MC2R: variants seen among roughly 807,000 people sequenced by gnomAD.
The protein encoded by MC2R is adrenocorticotropic hormone receptor.
In MC2R, 9 loss-of-function variants were observed where a neutral mutation model predicts 9.8. That is an observed-to-expected ratio of 0.92 (90% CI 0.55 to 1.60). The LOEUF (loss-of-function observed/expected upper bound fraction) is 1.60. Ranked by LOEUF, MC2R falls within the 40% of genes most tolerant of loss-of-function variation. The pLI is 0.00. For missense variants in MC2R, 370 were observed against 389.0 expected (o/e 0.95, Z 0.41); for synonymous variants, 185 against 154.7 (o/e 1.20, Z -1.45).
intron 1 of MC2R, among the ~76,000 whole-genome samples, chr18:13,891,135 C>G (rs1332899812): frequency 6.6e-6 from 1 of 152,202 alleles, no homozygotes; most frequent in African/African-American, 2.4e-5. Flanking sequence ...GAGTGGCTCA[C>G]GTCCACGGCC....
intron 1 of MC2R, among the ~76,000 whole-genome samples, chr18:13,892,631 A>G (rs183092713): frequency 0.1 from 14,357 of 142,666 alleles, 754 homozygotes; most frequent in Middle Eastern, 0.17. Flanking sequence ...CAATAAATGA[A>G]CTTTTTTTTT....
At chr18:13,891,863 C>T (rs16941290) in intron 1 of MC2R, among the ~76,000 whole-genome samples, 2,198 of 152,270 alleles carry the variant, frequency 0.014, 49 homozygotes, top group African/African-American at 0.049. Context: ...TGTGCATGAC[C>T]TGTCTTTATT....
At chr18:13,887,475 G>A (rs555115193) in intron 1 of MC2R, among the ~76,000 whole-genome samples, 87 of 152,018 alleles carry the variant, frequency 5.7e-4, no homozygotes, top group Admixed American at 1.7e-3. Flanking sequence ...GGGAAGCATC[G>A]GTGATGGGAG....
In MC2R at chr18:13,885,043, G is replaced by C. The variant is rs371900069; in HGVS notation, c.476C>G (p.Thr159Arg). The change falls in exon 2 of 2, where the codon ACG (threonine) becomes AGG (arginine). Residue 159 changes from threonine to arginine, a missense_variant. Physicochemically the swap from Thr to Arg is moderately conservative, Grantham distance 71. Coordinates refer to ENST00000327606, the MANE Select transcript of MC2R (RefSeq NM_000529.2). ...VVLTVIWTFC[T>R]GTGITMVIFS... is the part of the protein sequence containing the mutation. ...GATCACCATGGTGATGCCAGTCCCC[G>C]TGCAGAACGTCCAGATGACCGTAAG... 5.0e-6 allele frequency: 8 copies of C among 1,614,160 alleles called. No homozygotes were observed. The highest frequency in any genetic ancestry group is 6.8e-6 in the Non-Finnish European group (8 of 1,180,030).
intron 1 of MC2R, among the ~76,000 whole-genome samples, chr18:13,908,414 A>G (rs578127935): frequency 2.2e-4 from 33 of 152,136 alleles, no homozygotes; most frequent in Non-Finnish European, 3.4e-4. Context: ...AATGGGTACA[A>G]ATACATGGTT....
intron 1 of MC2R, among the ~76,000 whole-genome samples, chr18:13,898,757 T>C (rs929945527): frequency 6.6e-6 from 1 of 152,242 alleles, no homozygotes; most frequent in Non-Finnish European, 1.5e-5. Context: ...CTCCTGGATC[T>C]TGTCCAAGGC....
At chr18:13,901,401 G>T (rs1366038184) in intron 1 of MC2R, among the ~76,000 whole-genome samples, 2 of 151,566 alleles carry the variant, frequency 1.3e-5, no homozygotes, top group African/African-American at 4.8e-5. Flanking sequence ...GATTAGAGCA[G>T]AAATAAATGA....
At chr18:13,907,259 C>T (rs1278715130) in intron 1 of MC2R, among the ~76,000 whole-genome samples, 2 of 152,270 alleles carry the variant, frequency 1.3e-5, no homozygotes, top group East Asian at 3.9e-4. Context: ...GTGCCAAGAA[C>T]ATACAATGGG....
At chr18:13,889,742 A>C (rs565451554) in intron 1 of MC2R, among the ~76,000 whole-genome samples, 3 of 152,294 alleles carry the variant, frequency 2.0e-5, no homozygotes, top group African/African-American at 7.2e-5. Flanking sequence ...GGTAAGGAGA[A>C]GGCTCTATTA....
At chr18:13,913,218 G>C (rs948334) in intron 1 of MC2R, among the ~76,000 whole-genome samples, 151,008 of 152,136 alleles carry the variant, frequency 0.99, 74,953 homozygotes, top group Middle Eastern at 1. Context: ...GTGATGCTCA[G>C]CTCCCTGCAC....
At chr18:13,896,789 C>T (rs1470316110) in intron 1 of MC2R, among the ~76,000 whole-genome samples, 1 of 152,122 alleles carries the variant, frequency 6.6e-6, no homozygotes, top group Middle Eastern at 3.2e-3. Flanking sequence ...GATGCATATA[C>T]AATGATATTC....
At chr18:13,905,583 AAGTC>A (rs1487500074) in intron 1 of MC2R, among the ~76,000 whole-genome samples, 13 of 152,324 alleles carry the variant, frequency 8.5e-5, no homozygotes, top group African/African-American at 3.1e-4. Flanking sequence ...GATTATTAAA[AAGTC>A]AGGAAACAAT....
chr18:13,889,578 G>A (rs183572271), intron 1 of MC2R, among the ~76,000 whole-genome samples: 32 of 152,178 alleles, frequency 2.1e-4, no homozygotes, highest in Admixed American at 7.8e-4. Context: ...ACATGGCCCC[G>A]GATAACTCAA....
intron 1 of MC2R, 95 bp from the exon 2 acceptor site, chr18:13,885,741 A>G (rs1386849835): frequency 1.8e-6 from 1 of 555,796 alleles, no homozygotes; most frequent in Non-Finnish European, 3.2e-6. Context: ...CCTCCATAAA[A>G]TATAAAGAAA....
chr18:13,893,274 G>A (rs76425644), intron 1 of MC2R, among the ~76,000 whole-genome samples: 1,839 of 152,308 alleles, frequency 0.012, 38 homozygotes, highest in African/African-American at 0.043. Context: ...CCACTGTGGC[G>A]TGGGGTGGCG....
At chr18:13,891,596 G>C (rs553667759) in intron 1 of MC2R, among the ~76,000 whole-genome samples, 253 of 152,264 alleles carry the variant, frequency 1.7e-3, no homozygotes, top group African/African-American at 5.9e-3. Flanking sequence ...GTGCTGTCAG[G>C]CTTTTGGATT....
At chr18:13,890,177 A>C (rs960594023) in intron 1 of MC2R, among the ~76,000 whole-genome samples, 6 of 152,180 alleles carry the variant, frequency 3.9e-5, no homozygotes, top group Non-Finnish European at 7.3e-5. Context: ...GAACAGCAAG[A>C]CCTGTAGACA....
chr18:13,907,435 T>C (rs1301839348), intron 1 of MC2R, among the ~76,000 whole-genome samples: 2 of 152,132 alleles, frequency 1.3e-5, no homozygotes, highest in African/African-American at 4.8e-5. Context: ...GAAAACATTG[T>C]GGAAATGCTT....
Position 13,884,421 on chromosome 18 carries a change from C to T in MC2R, c.*204G>A. 2 of 634,910 alleles carry T rather than the reference C, an allele frequency of 3.2e-6. No homozygotes were observed. Among genetic ancestry groups the T allele is most frequent in the Non-Finnish European group, 5.6e-6 (2 of 354,620 alleles). The allele number at this position is 634,910 out of a possible 1,614,324, so 39.3% of individuals were successfully genotyped here. ...TCTTTTACTACATCGTTTTATCTGT[C>T]CAGTCACAAAGTTAAGAGGTTGCCC... On this transcript the variant is annotated 3_prime_UTR_variant, in exon 2 of 2. Coordinates refer to ENST00000327606, the MANE Select transcript of MC2R (RefSeq NM_000529.2).
Sources: gnomAD v4.1 joint callset for allele counts (sites outside exome capture counted in the v4.1 genomes callset) on GRCh38, gnomAD v4.1.1 for gene constraint, MANE v1.5 for transcripts, NCBI Gene and HGNC (gene_info 2026-07-23, HGNC 2026-07-21) for gene names.